The following TXLNB variants were observed in gnomAD, a reference collection of about 807,000 sequenced individuals.
TXLNB encodes the protein taxilin beta.
Under a neutral mutation model 57.4 loss-of-function variants are expected in TXLNB, and 37 were observed. The ratio of observed to expected loss-of-function variants is 0.64; its 90% CI spans 0.50 to 0.85. The LOEUF (loss-of-function observed/expected upper bound fraction) is 0.85. Among genes scored for constraint, TXLNB ranks in the 40% least tolerant of loss-of-function variants. The probability of loss-of-function intolerance (pLI) is 0.00; values close to 1 mark genes in which losing one functional copy is unlikely to be tolerated. For missense variants in TXLNB, 848 were observed against 825.6 expected (o/e 1.03, Z -0.33); for synonymous variants, 302 against 309.6 (o/e 0.98, Z 0.26).
chr6:139,186,202 A>G, the TXLNB span, among the ~76,000 whole-genome samples: 2 of 152,206 alleles, frequency 1.3e-5, no homozygotes, highest in Admixed American at 6.5e-5. Context: ...CTAACTCAAA[A>G]TGGATCAGAT....
chr6:139,231,193 A>G, the TXLNB span, among the ~76,000 whole-genome samples: 1 of 151,974 alleles, frequency 6.6e-6, no homozygotes, highest in South Asian at 2.1e-4. Flanking sequence ...AAGAACCTAC[A>G]CTCTCTACTT....
the TXLNB span, among the ~76,000 whole-genome samples, chr6:139,174,856 C>T: frequency 1.3e-5 from 2 of 152,216 alleles, no homozygotes; most frequent in East Asian, 3.9e-4. Context: ...ACCAGATGGT[C>T]TCAGTGGTGG....
intron 2 of TXLNB, among the ~76,000 whole-genome samples, chr6:139,280,775 T>C (rs1298689185): frequency 1.3e-5 from 2 of 152,218 alleles, no homozygotes; most frequent in Admixed American, 6.5e-5. Context: ...GGCAGAAACT[T>C]AAAGCCAGAA....
chr6:139,266,470 T>G (rs2114538561), intron 4 of TXLNB, among the ~76,000 whole-genome samples: 1 of 152,272 alleles, frequency 6.6e-6, no homozygotes. Context: ...ACTGGATGGA[T>G]TTAGAGCAGA....
At chr6:139,164,311 C>A in the TXLNB span, among the ~76,000 whole-genome samples, 1 of 152,024 alleles carries the variant, frequency 6.6e-6, no homozygotes, top group Non-Finnish European at 1.5e-5. Flanking sequence ...CCCAGTGGTT[C>A]CCAATTGGGA....
chr6:139,290,983 A>G (rs936853348), intron 1 of TXLNB, among the ~76,000 whole-genome samples: 1 of 152,272 alleles, frequency 6.6e-6, no homozygotes, highest in African/African-American at 2.4e-5. Context: ...CTCATAACTT[A>G]GAGGAAGTAC....
chr6:139,178,589 T>C, the TXLNB span: 2 of 87,466 alleles, frequency 2.3e-5, no homozygotes, highest in African/African-American at 1.3e-4. Flanking sequence ...TTTTCTTTTT[T>C]TTGAGATGGA....
At chr6:139,255,488 G>A (rs1462543351) in intron 7 of TXLNB, 76 bp downstream of exon 7, 2 of 1,250,958 alleles carry the variant, frequency 1.6e-6, no homozygotes, top group East Asian at 2.3e-5. Context: ...GACTTCTGCT[G>A]CCCACCTTTG....
chr6:139,203,758 T>G, the TXLNB span: 1 of 152,216 alleles, frequency 6.6e-6, no homozygotes, highest in Admixed American at 6.6e-5. Context: ...TAAATGTGGT[T>G]GACAGACCAC....
At chr6:139,235,793 C>G (rs999139740), downstream of TXLNB, among the ~76,000 whole-genome samples, 6 of 152,130 alleles carry the variant, frequency 3.9e-5, no homozygotes, top group African/African-American at 1.4e-4. Flanking sequence ...GCCACGCCCC[C>G]CCTTCCTGTG....
intron 4 of TXLNB, among the ~76,000 whole-genome samples, chr6:139,268,658 A>T (rs1583013050): frequency 6.6e-6 from 1 of 152,334 alleles, no homozygotes; most frequent in South Asian, 2.1e-4. Flanking sequence ...TTCTTCACCA[A>T]TAAAGTGGAG....
intron 7 of TXLNB, among the ~76,000 whole-genome samples, chr6:139,251,183 A>G (rs1365515447): frequency 6.6e-6 from 1 of 152,228 alleles, no homozygotes; most frequent in East Asian, 1.9e-4. Flanking sequence ...AATTAATTGT[A>G]GTAAAATACA....
chr6:139,212,437 T>C, the TXLNB span, among the ~76,000 whole-genome samples: 6 of 152,186 alleles, frequency 3.9e-5, no homozygotes, highest in African/African-American at 1.4e-4. Context: ...CTGAGAGATT[T>C]TGTCACCACC....
the TXLNB span, among the ~76,000 whole-genome samples, chr6:139,209,683 G>A: frequency 3.3e-5 from 5 of 152,132 alleles, no homozygotes; most frequent in African/African-American, 9.7e-5. Flanking sequence ...AAAGAAACTG[G>A]ATCCTCATCT....
the TXLNB span, among the ~76,000 whole-genome samples, chr6:139,221,859 C>T: frequency 6.6e-6 from 1 of 152,104 alleles, no homozygotes; most frequent in Non-Finnish European, 1.5e-5. Flanking sequence ...TGTTCTAAGG[C>T]TTTGCTTTGG....
the TXLNB span, among the ~76,000 whole-genome samples, chr6:139,314,985 A>T: frequency 1.3e-5 from 2 of 152,214 alleles, no homozygotes; most frequent in Middle Eastern, 3.4e-3. Flanking sequence ...AGAAATTACA[A>T]CGTAGGGGTC....
At chr6:139,317,212 CTCTG>C in the TXLNB span, among the ~76,000 whole-genome samples, 15 of 151,880 alleles carry the variant, frequency 9.9e-5, no homozygotes, top group African/African-American at 3.4e-4. Context: ...TGTGTAGCTT[CTCTG>C]TCTTTTAGAA....
At chr6:139,311,284 T>C in the TXLNB span, among the ~76,000 whole-genome samples, 1 of 152,198 alleles carries the variant, frequency 6.6e-6, no homozygotes, top group Non-Finnish European at 1.5e-5. Context: ...GCAAGTCTGC[T>C]TGCTAAAAGA....
the TXLNB span, among the ~76,000 whole-genome samples, chr6:139,203,279 A>G: frequency 6.6e-6 from 1 of 152,132 alleles, no homozygotes; most frequent in African/African-American, 2.4e-5. Context: ...ATTTACATGT[A>G]CCTTCAGTTA....
Sources: allele counts gnomAD v4.1 joint callset (sites outside exome capture counted in the v4.1 genomes callset), GRCh38; gene constraint gnomAD v4.1.1; transcripts MANE v1.5; gene names NCBI Gene and HGNC (gene_info 2026-07-23, HGNC 2026-07-21).